The following RAB5A variants were observed in gnomAD, a reference collection of about 807,000 sequenced individuals.
The protein encoded by RAB5A is RAB5A, member RAS oncogene family, also known as ras-related protein Rab-5A.
Under a neutral mutation model 25.7 loss-of-function variants are expected in RAB5A, and 8 were observed. That is an observed-to-expected ratio of 0.31 (90% CI 0.18 to 0.56). RAB5A has a LOEUF of 0.56. Among genes scored for constraint, RAB5A ranks in the 20% least tolerant of loss-of-function variants. The pLI is 0.91. For missense variants in RAB5A, 192 were observed against 259.7 expected (o/e 0.74, Z 1.79); for synonymous variants, 98 against 89.8 (o/e 1.09, Z -0.52).
At chr3:19,970,465 A>AC (rs1696733804) in intron 2 of RAB5A, 2 of 430,032 alleles carry the variant, frequency 4.7e-6, no homozygotes, top group Admixed American at 2.7e-5. Context: ...CTGATCACGT[A>AC]GCTCAGAGGG....
intron 2 of RAB5A, among the ~76,000 whole-genome samples, chr3:19,955,971 T>C (rs1442608487): frequency 2.6e-5 from 4 of 152,206 alleles, no homozygotes; most frequent in South Asian, 4.1e-4. Flanking sequence ...TTACATGTTA[T>C]CTGTATCTCT....
rs201422065 is a variant in RAB5A at position 19,978,316 on chromosome 3, C to G, written c.445C>G (p.Gln149Glu). 61 of 1,605,036 alleles carry G rather than the reference C, an allele frequency of 3.8e-5. 1 individual carries two copies. The highest frequency in any genetic ancestry group is 5.1e-5 in the Non-Finnish European group (60 of 1,172,954). Residue 149 changes from glutamine to glutamate, a missense_variant, in exon 5 of 6, where the codon CAG becomes GAG. Coordinates refer to ENST00000273047, the MANE Select transcript of RAB5A (RefSeq NM_004162.5). ...NKRAVDFQEAQSYADDNSLLF... is the reference protein window; with the variant it reads ...NKRAVDFQEAESYADDNSLLF... ...TTTTTTGTTCTGTAAACAGGAAGCA[C>G]AGTCCTATGCAGATGACAATAGTTT...
chr3:19,983,843 T>G lies in RAB5A; in HGVS notation c.*20T>G, dbSNP rs371215758. 2 of 1,457,072 alleles carry G rather than the reference T, an allele frequency of 1.4e-6. No individual in the cohort carries two copies. The highest frequency in any genetic ancestry group is 1.9e-6 in the Non-Finnish European group (2 of 1,043,190). 90.3% of individuals were successfully genotyped at this position (1,457,072 alleles called of 1,614,324 possible). A position where few individuals can be genotyped will look rare whatever the true frequency, so the allele number is the denominator to read the frequency against. Reference sequence around the variant, plus strand: ...AACTAAACCTCTAGTTTGAACTAGCTGGAATAGTCTTCTGCTTCCTAAATG... The same window carrying G: ...AACTAAACCTCTAGTTTGAACTAGCGGGAATAGTCTTCTGCTTCCTAAATG... On this transcript the variant is annotated 3_prime_UTR_variant, in exon 6 of 6. Transcript: ENST00000273047.
intron 2 of RAB5A, among the ~76,000 whole-genome samples, chr3:19,957,074 C>T (rs1230633943): frequency 6.8e-6 from 1 of 146,408 alleles, no homozygotes; most frequent in Non-Finnish European, 1.5e-5. Context: ...TGACTATAGG[C>T]ATGCACCCCA....
rs1696686601 is a variant in RAB5A, at chr3:19,968,145, G to C, written c.164-7456G>C. ...AGCCTCATTCTATTTCTGAAATTTT[G>C]AACAAGACCCTTTCTCCCCTCTCTA... On this transcript the variant is annotated intron_variant, in intron 2 of 5. Coordinates refer to ENST00000273047, the MANE Select transcript of RAB5A (RefSeq NM_004162.5). Among the ~76,000 whole-genome samples, 2 of 151,818 alleles carry C rather than the reference G, an allele frequency of 1.3e-5. 1 individual carries two copies. The highest frequency in any genetic ancestry group is 4.2e-4 in the South Asian group (2 of 4,810).
At chr3:19,979,991 A>T (rs1272559577) in intron 5 of RAB5A, 1 of 152,218 alleles carries the variant, frequency 6.6e-6, no homozygotes, top group Non-Finnish European at 1.5e-5. Context: ...ATTATTTTTC[A>T]CTAGGTGACA....
At chr3:19,966,191 A>AGTTT (rs1696659843) in intron 2 of RAB5A, among the ~76,000 whole-genome samples, 1 of 152,206 alleles carries the variant, frequency 6.6e-6, no homozygotes, top group African/African-American at 2.4e-5. Flanking sequence ...ACTAAACAAT[A>AGTTT]ACTACCCCTT....
chr3:19,962,515 G>T (rs1696601691), intron 2 of RAB5A, among the ~76,000 whole-genome samples: 1 of 152,062 alleles, frequency 6.6e-6, no homozygotes, highest in South Asian at 2.1e-4. Context: ...GTTGTGGTAA[G>T]CTGAGATTGC....
chr3:19,965,388 C>T (rs561917468), intron 2 of RAB5A, among the ~76,000 whole-genome samples: 1 of 150,964 alleles, frequency 6.6e-6, no homozygotes, highest in Admixed American at 6.6e-5. Flanking sequence ...CACCACTGCC[C>T]CAACCTGGGT....
intron 2 of RAB5A, among the ~76,000 whole-genome samples, chr3:19,955,931 G>C (rs1433226443): frequency 6.6e-6 from 1 of 152,064 alleles, no homozygotes; most frequent in Non-Finnish European, 1.5e-5. Context: ...AACCTAGTTT[G>C]AGAATTACAT....
intron 2 of RAB5A, among the ~76,000 whole-genome samples, chr3:19,965,618 C>T (rs1346733803): frequency 6.6e-6 from 1 of 152,142 alleles, no homozygotes; most frequent in Non-Finnish European, 1.5e-5. Context: ...TTATTCTTTA[C>T]CTCACTCTTG....
At chr3:19,957,912 T>G (rs1230699822) in intron 2 of RAB5A, among the ~76,000 whole-genome samples, 1 of 152,154 alleles carries the variant, frequency 6.6e-6, no homozygotes, top group Non-Finnish European at 1.5e-5. Context: ...TAAAGTTACT[T>G]CCTAAACAGA....
rs115814778 is a variant in RAB5A at position 19,982,367 on chromosome 3, G to A, written c.533-1341G>A. ...TCCACTAGCATGCTAAGGTATGTTT[G>A]TGTGTGAGTATGTTTCCTCCAGTAT... On this transcript the variant is annotated intron_variant, in intron 5 of 5. Transcript: ENST00000273047. 8.7e-3 allele frequency among the ~76,000 whole-genome samples: 1,325 copies of A among 152,326 alleles called. 8 individuals are homozygous for A. Among genetic ancestry groups the A allele is most frequent in the Non-Finnish European group, 0.011 (782 of 68,030 alleles).
intron 2 of RAB5A, among the ~76,000 whole-genome samples, chr3:19,966,109 G>A (rs536279690): frequency 2.6e-5 from 4 of 152,090 alleles, no homozygotes; most frequent in Non-Finnish European, 4.4e-5. Flanking sequence ...ACAGTTGAGT[G>A]GTATTAGGTA....
intron 2 of RAB5A, among the ~76,000 whole-genome samples, chr3:19,960,469 T>C (rs534425022): frequency 3.3e-5 from 5 of 152,156 alleles, no homozygotes; most frequent in African/African-American, 1.2e-4. Context: ...CCCCGGCTAA[T>C]TTTGTATTTT....
rs758402113 is a variant in RAB5A, at chr3:19,975,594, C to G, written c.164-7C>G. The G allele has an allele frequency of 3.1e-6, 5 of 1,607,984 alleles. No individual in the cohort carries two copies. Among genetic ancestry groups the G allele is most frequent in the Non-Finnish European group, 4.2e-6 (5 of 1,178,372 alleles). ...ATGATTGACTTATTGTAGTCCTTTTCTTTCAGCTGCTTTTCTAACCCAAAC... is the reference window on the plus strand; with the variant it reads ...ATGATTGACTTATTGTAGTCCTTTTGTTTCAGCTGCTTTTCTAACCCAAAC... On this transcript the variant is annotated splice_region_variant and splice_polypyrimidine_tract_variant and intron_variant, in intron 2 of 5. Coordinates refer to ENST00000273047, the MANE Select transcript of RAB5A (RefSeq NM_004162.5).
chr3:19,979,994 A>C (rs1337245975), intron 5 of RAB5A: 1 of 152,236 alleles, frequency 6.6e-6, no homozygotes, highest in African/African-American at 2.4e-5. Flanking sequence ...ATTTTTCACT[A>C]GGTGACAGAG....
chr3:19,955,805 C>G (rs895872009), intron 2 of RAB5A, among the ~76,000 whole-genome samples: 2 of 151,980 alleles, frequency 1.3e-5, no homozygotes, highest in Non-Finnish European at 2.9e-5. Flanking sequence ...GCAGGAGATT[C>G]GCTTGAACCC....
intron 2 of RAB5A, among the ~76,000 whole-genome samples, chr3:19,966,336 G>A (rs976842966): frequency 1.3e-5 from 2 of 152,114 alleles, no homozygotes; most frequent in Non-Finnish European, 2.9e-5. Context: ...TGTCCTCAAC[G>A]TTCCATCCAT....
Sources: gnomAD v4.1 joint callset for allele counts (sites outside exome capture counted in the v4.1 genomes callset) on GRCh38, gnomAD v4.1.1 for gene constraint, MANE v1.5 for transcripts, NCBI Gene and HGNC (gene_info 2026-07-23, HGNC 2026-07-21) for gene names.